Variants in PUM3 observed in about 807,000 individuals in gnomAD.
PUM3 encodes pumilio homolog 3.
In PUM3, 91 loss-of-function variants were observed where a neutral mutation model predicts 84.0. The observed-to-expected ratio is 1.08, with a 90% CI of 0.91 to 1.29. PUM3 has a LOEUF of 1.29. PUM3 is among the 50% of genes most tolerant of loss of function. PUM3 has a pLI of 0.00. For synonymous variants in PUM3, 321 were observed against 266.7 expected (o/e 1.20, Z -1.98); for missense variants, 1,067 against 767.5 (o/e 1.39, Z -4.61).
At position 2,810,387 on chromosome 9, in the gene PUM3, C is replaced by A. The variant is rs774919826; in HGVS notation, c.1680G>T (p.Trp560Cys). 2 of 1,612,626 alleles carry A rather than the reference C, an allele frequency of 1.2e-6. No homozygotes were observed. The highest frequency in any genetic ancestry group is 3.3e-5 in the Admixed American group (2 of 59,770). ...EHPAGHLVLK[W>C]LIEQDKKMKE... ...TCATCTTTTTATCTTGCTCTATTAA[C>A]CACTTCAGAACTAGATGTCCTGCAG... is the stretch of plus-strand genomic sequence containing the variant. The change falls in exon 16 of 18, where the codon TGG becomes TGT. Residue 560 changes from tryptophan to cysteine, a missense_variant. By Grantham distance (215) the Trp-to-Cys change is radical. Coordinates refer to ENST00000397885, the MANE Select transcript of PUM3 (RefSeq NM_014878.5).
chr9:2,837,615 T>G lies in PUM3; in HGVS notation c.83-214A>C, dbSNP rs545374032. The stretch of plus-strand genomic sequence containing the variant: ...CTTGATTATAAAACCACCTAGAGAG[T>G]AGAGAAATGTAAAATAAAAGCTACC... On this transcript the variant is annotated intron_variant, in intron 2 of 17. Transcript: ENST00000397885. Among the ~76,000 whole-genome samples, 10 of 150,328 alleles carry G rather than the reference T, an allele frequency of 6.7e-5. No homozygotes were observed. In the East Asian group the frequency reaches 1.2e-3, roughly 18 times the overall value.
intron 10 of PUM3, among the ~76,000 whole-genome samples, chr9:2,825,506 G>A (rs778164959): frequency 3.3e-5 from 5 of 150,610 alleles, no homozygotes; most frequent in East Asian, 2.0e-4. Context: ...TTTTGGAGAC[G>A]GAGTCTTGCT....
intron 16 of PUM3, among the ~76,000 whole-genome samples, chr9:2,808,473 C>T (rs569890045): frequency 1.3e-5 from 2 of 152,120 alleles, no homozygotes; most frequent in Non-Finnish European, 2.9e-5. Context: ...TTCCCAAGGT[C>T]GTGGTATTAT....
chr9:2,825,174 C>T (rs1050144238), intron 10 of PUM3, among the ~76,000 whole-genome samples: 1 of 152,030 alleles, frequency 6.6e-6, no homozygotes, highest in African/African-American at 2.4e-5. Context: ...GAGCTTTTAA[C>T]AGAATAGCGA....
intron 11 of PUM3, 133 bp from the exon 12 acceptor site, chr9:2,823,967 T>C (rs1586723353): frequency 2.0e-6 from 1 of 511,792 alleles, no homozygotes; most frequent in Non-Finnish European, 3.4e-6. Flanking sequence ...AAATAATAGT[T>C]ATACAGCCAG....
Position 2,837,195 on chromosome 9 carries a change from C to G in PUM3, c.289G>C (p.Asp97His). Residue 97 changes from aspartate to histidine, a missense_variant, in exon 3 of 18, where the codon GAT becomes CAT. Physicochemically the swap from Asp to His is moderately conservative, Grantham distance 81 (BLOSUM62 -1). Coordinates refer to ENST00000397885, the MANE Select transcript of PUM3 (RefSeq NM_014878.5). ...KFNKKRKFQP[D>H]GRSDESAAKK... ...CAGTACTTACCATCGCTTCTACCAT[C>G]TGGCTGGAATTTTCTCTTCTTGTTG... 1.2e-6 allele frequency: 2 copies of G among 1,614,076 alleles called. No individual in the cohort carries two copies. The highest frequency in any genetic ancestry group is 1.7e-6 in the Non-Finnish European group (2 of 1,179,924).
Position 2,827,088 on chromosome 9 carries a change from G to A in PUM3, c.1020C>T (p.Pro340=), listed in dbSNP as rs1815841935. The A allele has an allele frequency of 6.2e-7, 1 of 1,608,952 alleles. No homozygotes were observed. The highest frequency in any genetic ancestry group is 1.3e-5 in the African/African-American group (1 of 74,750). The change falls in exon 10 of 18, where the codon CCC becomes CCT. Residue 340 remains proline (P), a synonymous_variant. Coordinates refer to ENST00000397885, the MANE Select transcript of PUM3 (RefSeq NM_014878.5). ...AAGAACTTACTGATCTGAGTTTGGG[G>A]GGTGCATAGGTAAAAAAGTCCAAGA... ...KVFLDFFTYA[P]PKLRSEMIEA...
chr9:2,841,020 A>G (rs1034519422), intron 1 of PUM3, among the ~76,000 whole-genome samples: 1 of 152,232 alleles, frequency 6.6e-6, no homozygotes, highest in African/African-American at 2.4e-5. Flanking sequence ...ATCTATTACA[A>G]TAACTTGAAG....
At chr9:2,827,294 T>C in intron 9 of PUM3, 143 bp from the exon 10 acceptor site, 1 of 582,996 alleles carries the variant, frequency 1.7e-6, no homozygotes, top group East Asian at 3.3e-5. Flanking sequence ...TAGACTGTAT[T>C]TTTCAGAAAT....
At chr9:2,819,986 A>G (rs1821554066) in intron 13 of PUM3, 32 bp downstream of exon 13, 3 of 1,416,836 alleles carry the variant, frequency 2.1e-6, no homozygotes, top group East Asian at 2.3e-5. Flanking sequence ...TTATCGATGT[A>G]ACTTAAATTC....
intron 16 of PUM3, among the ~76,000 whole-genome samples, chr9:2,808,784 C>G (rs1322510643): frequency 2.6e-5 from 4 of 152,162 alleles, no homozygotes. Flanking sequence ...AGAATGCAGC[C>G]ACTCCCCCAT....
chr9:2,818,240 G>A (rs1264837881), intron 13 of PUM3, among the ~76,000 whole-genome samples: 1 of 152,236 alleles, frequency 6.6e-6, no homozygotes, highest in African/African-American at 2.4e-5. Flanking sequence ...CACAGAACCT[G>A]TTGAACGTTT....
intron 12 of PUM3, among the ~76,000 whole-genome samples, chr9:2,821,412 C>A (rs888588305): frequency 1.6e-5 from 2 of 124,330 alleles, no homozygotes; most frequent in Non-Finnish European, 3.2e-5. Flanking sequence ...CCACGGCACT[C>A]CAGCCTGGGC....
intron 1 of PUM3, among the ~76,000 whole-genome samples, chr9:2,841,961 A>G (rs1816278779): frequency 6.6e-6 from 1 of 152,056 alleles, no homozygotes; most frequent in African/African-American, 2.4e-5. Context: ...AAGTCCTGTC[A>G]CTCTAAAAAG....
chr9:2,837,129 T>G lies in PUM3; in HGVS notation c.304+51A>C, dbSNP rs766578023. 1.0e-5 allele frequency: 15 copies of G among 1,491,136 alleles called. No individual in the cohort carries two copies. In the South Asian group the frequency reaches 1.2e-4, roughly 12 times the overall value. 92.4% of individuals were successfully genotyped at this position (1,491,136 alleles called of 1,614,324 possible). On this transcript the variant is annotated intron_variant, in intron 3 of 17. Coordinates refer to ENST00000397885, the MANE Select transcript of PUM3 (RefSeq NM_014878.5). ...GTTTCTAACGCACCTCCAGAGTCCCTGTGCACAATCGTTCAGGCACTAGTT... is the reference window on the plus strand; with the variant it reads ...GTTTCTAACGCACCTCCAGAGTCCCGGTGCACAATCGTTCAGGCACTAGTT...
Position 2,810,386 on chromosome 9 carries a change from A to G in PUM3, c.1681T>C (p.Leu561=), listed in dbSNP as rs1164937510. 6.2e-7 allele frequency: 1 copy of G among 1,612,568 alleles called. No homozygotes were observed. Among genetic ancestry groups the G allele is most frequent in the Non-Finnish European group, 8.5e-7 (1 of 1,179,010 alleles). Reference sequence around the variant, plus strand: ...TTCATCTTTTTATCTTGCTCTATTAACCACTTCAGAACTAGATGTCCTGCA... The same window carrying G: ...TTCATCTTTTTATCTTGCTCTATTAGCCACTTCAGAACTAGATGTCCTGCA... ...HPAGHLVLKW[L]IEQDKKMKEN... The change falls in exon 16 of 18, where the codon TTA becomes CTA. Residue 561 remains leucine (L), a synonymous_variant. Coordinates refer to ENST00000397885, the MANE Select transcript of PUM3 (RefSeq NM_014878.5).
At chr9:2,842,090 A>G (rs138259851) in intron 1 of PUM3, among the ~76,000 whole-genome samples, 1 of 152,254 alleles carries the variant, frequency 6.6e-6, no homozygotes, top group Non-Finnish European at 1.5e-5. Flanking sequence ...GAATCATACA[A>G]TATGTAACTT....
chr9:2,837,119 C>A, intron 3 of PUM3, 61 bp downstream of exon 3: 1 of 1,426,986 alleles, frequency 7.0e-7, no homozygotes, highest in Non-Finnish European at 9.9e-7. Context: ...TAACGCACCT[C>A]CAGAGTCCCT....
intron 11 of PUM3, 59 bp from the exon 12 acceptor site, chr9:2,823,893 G>C (rs557987149): frequency 1.2e-6 from 1 of 834,588 alleles, no homozygotes; most frequent in African/African-American, 1.8e-5. Flanking sequence ...GTATTTTGTA[G>C]TTAAACATTT....
Sources: gnomAD v4.1 joint callset for allele counts (sites outside exome capture counted in the v4.1 genomes callset) on GRCh38, gnomAD v4.1.1 for gene constraint, MANE v1.5 for transcripts, NCBI Gene and HGNC (gene_info 2026-07-23, HGNC 2026-07-21) for gene names.